Variants in FBXO3 observed in about 807,000 individuals in gnomAD.
FBXO3 encodes the protein F-box only protein 3.
Under a neutral mutation model 64.8 loss-of-function variants are expected in FBXO3, and 17 were observed. That is an observed-to-expected ratio of 0.26 (90% CI 0.18 to 0.39). The LOEUF (loss-of-function observed/expected upper bound fraction) is 0.39, where lower values mean the gene tolerates loss of function less well. Ranked by LOEUF, FBXO3 falls within the 10% of genes least tolerant of loss-of-function variation. The probability of loss-of-function intolerance (pLI) is 1.00; values close to 1 mark genes in which losing one functional copy is unlikely to be tolerated. For missense variants in FBXO3, 420 were observed against 589.9 expected, an observed-to-expected ratio of 0.71 and a Z score of 2.98; for synonymous variants, 182 against 201.6, an observed-to-expected ratio of 0.90 and a Z score of 0.82.
intron 3 of FBXO3, among the ~76,000 whole-genome samples, chr11:33,759,775 T>C (rs1211642983): frequency 6.6e-6 from 1 of 151,992 alleles, no homozygotes; most frequent in Non-Finnish European, 1.5e-5. Context: ...TTAGTAAACA[T>C]GGACTTAAAA....
intron 4 of FBXO3, 84 bp from the exon 5 acceptor site, chr11:33,756,059 C>T: frequency 9.2e-7 from 1 of 1,088,518 alleles, no homozygotes; most frequent in African/African-American, 1.5e-5. Flanking sequence ...AATAATTTCC[C>T]ACTCACAACT....
At chr11:33,774,162 C>G (rs1855580935) in intron 1 of FBXO3, 2 of 480,956 alleles carry the variant, frequency 4.2e-6, no homozygotes, top group African/African-American at 4.2e-5. Flanking sequence ...AGAGAGATAT[C>G]TCGTCGCTTC....
Position 33,747,163 on chromosome 11 carries a change from T to A in FBXO3, c.1206A>T (p.Ala402=). 6.2e-7 allele frequency: 1 copy of A among 1,609,338 alleles called. No individual in the cohort carries two copies. Among genetic ancestry groups the A allele is most frequent in the East Asian group, 2.2e-5 (1 of 44,864 alleles). ...CTATAGACACCCTGAATGTTGGACATGCCATATGGAATCGGGGAATGGCAA... is the reference window on the plus strand; with the variant it reads ...CTATAGACACCCTGAATGTTGGACAAGCCATATGGAATCGGGGAATGGCAA... ...FNVAIPRFHM[A]CPTFRVSIAR... The change falls in exon 10 of 11, where the codon GCA becomes GCT. Residue 402 remains alanine (A), a synonymous_variant. Coordinates refer to ENST00000265651, the MANE Select transcript of FBXO3 (RefSeq NM_012175.4).
At chr11:33,774,191 C>G in intron 1 of FBXO3, 1 of 542,928 alleles carries the variant, frequency 1.8e-6, no homozygotes, top group South Asian at 2.1e-5. Flanking sequence ...GGGCCCAGGA[C>G]AGGAGGAAGA....
Position 33,748,813 on chromosome 11 carries a change from C to T in FBXO3, c.1012G>A (p.Gly338Ser), listed in dbSNP as rs1399217471. Reference protein sequence around the residue: ...SRYWRITNAKGDVEEVQGPGV... With the variant: ...SRYWRITNAKSDVEEVQGPGV... ...GGTCCTTGAACTTCTTCCACGTCAC[C>T]CTTAGCATTTGTTATTCTCCAATAG... Residue 338 changes from glycine (G) to serine (S), a missense_variant, in exon 9 of 11, where the codon GGT (glycine) becomes AGT (serine). Coordinates refer to ENST00000265651, the MANE Select transcript of FBXO3 (RefSeq NM_012175.4). The T allele has an allele frequency of 2.5e-6, 4 of 1,613,730 alleles. No individual in the cohort carries two copies. Among genetic ancestry groups the T allele is most frequent in the East Asian group, 4.5e-5 (2 of 44,858 alleles).
chr11:33,760,973 A>ATGTTAAAAAACATATT (rs1855227018), intron 3 of FBXO3, among the ~76,000 whole-genome samples: 1 of 152,218 alleles, frequency 6.6e-6, no homozygotes. Context: ...GAAATTAAAT[A>ATGTTAAAAAACATATT]TGTTAAAAAA....
At chr11:33,761,197 T>C (rs943123007) in intron 3 of FBXO3, among the ~76,000 whole-genome samples, 23 of 151,900 alleles carry the variant, frequency 1.5e-4, no homozygotes, top group African/African-American at 5.1e-4. Flanking sequence ...ATTACAGAAA[T>C]GGAACAGTGA....
intron 9 of FBXO3, among the ~76,000 whole-genome samples, chr11:33,747,755 G>A (rs929679091): frequency 6.6e-6 from 1 of 151,648 alleles, no homozygotes; most frequent in African/African-American, 2.4e-5. Flanking sequence ...CAGGTGATCC[G>A]CCCACCTTGG....
rs530192915 is a variant in FBXO3, at chr11:33,754,893, C to G, written c.679-393G>C. 8.2e-5 allele frequency among the ~76,000 whole-genome samples: 12 copies of G among 145,572 alleles called. No homozygotes were observed. The South Asian group carries it at 2.6e-3, about 31-fold the overall frequency. On this transcript the variant is annotated intron_variant, in intron 5 of 10. Transcript: ENST00000265651. The stretch of plus-strand genomic sequence containing the variant: ...TCTTTTTTTTTTTTTTGAGAGGGAG[C>G]CTTGCTCTGTTGCCCAGGCTGGAGT...
At chr11:33,752,550 G>A (rs773354901) in intron 6 of FBXO3, among the ~76,000 whole-genome samples, 4 of 151,980 alleles carry the variant, frequency 2.6e-5, no homozygotes, top group Non-Finnish European at 5.9e-5. Flanking sequence ...TATATCTAAG[G>A]GTACAAGGCT....
At chr11:33,773,777 A>T (rs1448983657) in intron 1 of FBXO3, 1 of 152,476 alleles carries the variant, frequency 6.6e-6, no homozygotes, top group East Asian at 1.9e-4. Context: ...GCATCACCGG[A>T]AGTCAGTACC....
At chr11:33,744,288 G>C (rs1358262970) in intron 10 of FBXO3, 2 of 152,016 alleles carry the variant, frequency 1.3e-5, no homozygotes, top group African/African-American at 4.8e-5. Flanking sequence ...TGTGGCTAAG[G>C]AGAAAGATTG....
chr11:33,768,315 AACAG>A (rs1855426236), intron 3 of FBXO3, among the ~76,000 whole-genome samples: 1 of 152,224 alleles, frequency 6.6e-6, no homozygotes, highest in South Asian at 2.1e-4. Context: ...TCTGGAGTTG[AACAG>A]ACCTCAGTTC....
At chr11:33,744,059 C>T (rs1017693551) in intron 10 of FBXO3, 6 of 152,006 alleles carry the variant, frequency 3.9e-5, no homozygotes, top group African/African-American at 1.5e-4. Context: ...ACAACAATAA[C>T]AGAGAAAATA....
chr11:33,757,664 A>AAAAAAAAAC (rs1855139024), intron 4 of FBXO3, among the ~76,000 whole-genome samples: 1 of 137,514 alleles, frequency 7.3e-6, no homozygotes, highest in African/African-American at 2.8e-5. Context: ...CTTAAAAAAA[A>AAAAAAAAAC]AAAAAAAAAA....
At chr11:33,750,114 T>C (rs577156252) in intron 8 of FBXO3, among the ~76,000 whole-genome samples, 1 of 152,342 alleles carries the variant, frequency 6.6e-6, no homozygotes, top group South Asian at 2.1e-4. Flanking sequence ...TAAAATTCAA[T>C]GTCTAACACT....
chr11:33,755,844 G>A lies in FBXO3; in HGVS notation c.605C>T (p.Thr202Ile). 2 of 1,614,118 alleles carry A rather than the reference G, an allele frequency of 1.2e-6. No individual in the cohort carries two copies. Among genetic ancestry groups the A allele is most frequent in the Non-Finnish European group, 1.7e-6 (2 of 1,180,000 alleles). Residue 202 changes from threonine (T) to isoleucine (I), a missense_variant, in exon 5 of 11, where the codon ACT becomes ATT. Physicochemically the swap from Thr to Ile is moderately conservative, Grantham distance 89. Coordinates refer to ENST00000265651, the MANE Select transcript of FBXO3 (RefSeq NM_012175.4). The stretch of plus-strand genomic sequence containing the variant: ...CACTGCTATGTACTGACTCAAACCA[G>A]TATGTATGCAAAAAGTTAAAGGGAG... ...YCLPLTFCIH[T>I]GLSQYIAVEA...
chr11:33,761,227 A>G (rs1855233859), intron 3 of FBXO3, among the ~76,000 whole-genome samples: 1 of 152,188 alleles, frequency 6.6e-6, no homozygotes, highest in Non-Finnish European at 1.5e-5. Flanking sequence ...ACAAATAGAA[A>G]AACAGAAACA....
intron 7 of FBXO3, among the ~76,000 whole-genome samples, chr11:33,750,990 A>G (rs982085441): frequency 2.0e-5 from 3 of 152,216 alleles, no homozygotes; most frequent in Non-Finnish European, 2.9e-5. Flanking sequence ...ACCCAGCTGC[A>G]TGATGTCCAA....
Sources: allele counts gnomAD v4.1 joint callset (sites outside exome capture counted in the v4.1 genomes callset), GRCh38; gene constraint gnomAD v4.1.1; transcripts MANE v1.5; gene names NCBI Gene and HGNC (gene_info 2026-07-23, HGNC 2026-07-21).